The following PDE6C variants were observed in gnomAD, a reference collection of about 807,000 sequenced individuals.
PDE6C encodes phosphodiesterase 6C.
In PDE6C, 75 loss-of-function variants were observed where a neutral mutation model predicts 113.1. The ratio of observed to expected loss-of-function variants is 0.66; its 90% CI spans 0.55 to 0.80. PDE6C has a LOEUF of 0.80. Among genes scored for constraint, PDE6C ranks in the 30% least tolerant of loss-of-function variants. PDE6C has a pLI of 0.00. For synonymous variants in PDE6C, 375 were observed against 363.7 expected, an observed-to-expected ratio of 1.03 and a Z score of -0.35; for missense variants, 912 against 1,038.6, an observed-to-expected ratio of 0.88 and a Z score of 1.67.
In PDE6C at chr10:93,621,784, G is replaced by A. The variant is rs990738823; in HGVS notation, c.724-148G>A. Reference sequence around the variant, plus strand: ...CCTAGAGGATCTGAGTAGTTTGTTGGATGTACACATGTTCAAAATCAGAAT... The same window carrying A: ...CCTAGAGGATCTGAGTAGTTTGTTGAATGTACACATGTTCAAAATCAGAAT... On this transcript the variant is annotated intron_variant, in intron 3 of 21. Coordinates refer to ENST00000371447, the MANE Select transcript of PDE6C (RefSeq NM_006204.4). 4 of 721,648 alleles carry A rather than the reference G, an allele frequency of 5.5e-6. No homozygotes were observed. The African/African-American group carries it at 6.9e-5, about 13-fold the overall frequency. The allele number at this position is 721,648 out of a possible 1,614,324, so 44.7% of individuals were successfully genotyped here.
chr10:93,650,335 C>T (rs1276001025), intron 15 of PDE6C, among the ~76,000 whole-genome samples: 1 of 152,168 alleles, frequency 6.6e-6, no homozygotes, highest in African/African-American at 2.4e-5. Context: ...CAGCCTCAAC[C>T]TCCTGGGCTC....
At position 93,640,952 on chromosome 10, in the gene PDE6C, C is replaced by G. The variant is rs147097341; in HGVS notation, c.1770C>G (p.Leu590=). 1 of 1,612,100 alleles carries G rather than the reference C, an allele frequency of 6.2e-7. No homozygotes were observed. The highest frequency in any genetic ancestry group is 2.2e-5 in the East Asian group (1 of 44,838). Reference sequence around the variant, plus strand: ...GATTAAAGAAGTACTACACAGATCTCGAAGCCTTTGCCATGCTTGCTGCTG... The same window carrying G: ...GATTAAAGAAGTACTACACAGATCTGGAAGCCTTTGCCATGCTTGCTGCTG... The part of the protein sequence containing the change: ...TGRLKKYYTD[L]EAFAMLAAAF... Residue 590 remains leucine (L), a synonymous_variant, in exon 14 of 22, where the codon CTC becomes CTG. Coordinates refer to ENST00000371447, the MANE Select transcript of PDE6C (RefSeq NM_006204.4).
Position 93,635,573 on chromosome 10 carries a change from A to G in PDE6C, c.1346A>G (p.Lys449Arg), listed in dbSNP as rs752525221. 2 of 1,613,818 alleles carry G rather than the reference A, an allele frequency of 1.2e-6. No homozygotes were observed. The highest frequency in any genetic ancestry group is 1.7e-6 in the Non-Finnish European group (2 of 1,179,648). Reference sequence around the variant, plus strand: ...AAGATGAATAAGCTAGAAAACAGAAAGGACATTGCTCAGGAAATGCTCATG... The same window carrying G: ...AAGATGAATAAGCTAGAAAACAGAAGGGACATTGCTCAGGAAATGCTCATG... ...YDKMNKLENR[K>R]DIAQEMLMNQ... The change falls in exon 10 of 22, where the codon AAG (lysine) becomes AGG (arginine). Residue 449 changes from lysine (K) to arginine (R), a missense_variant. Coordinates refer to ENST00000371447, the MANE Select transcript of PDE6C (RefSeq NM_006204.4).
At chr10:93,636,060 A>G (rs1439943534) in intron 10 of PDE6C, among the ~76,000 whole-genome samples, 1 of 152,132 alleles carries the variant, frequency 6.6e-6, no homozygotes, top group African/African-American at 2.4e-5. Flanking sequence ...ACTTGGCTCC[A>G]AGCTATGAAT....
intron 8 of PDE6C, among the ~76,000 whole-genome samples, chr10:93,632,969 A>C (rs2058508968): frequency 6.6e-6 from 1 of 152,208 alleles, no homozygotes; most frequent in African/African-American, 2.4e-5. Context: ...TGAGTTAGAA[A>C]AATTAGAAAG....
intron 4 of PDE6C, among the ~76,000 whole-genome samples, chr10:93,624,424 GA>G (rs2058462601): frequency 6.6e-6 from 1 of 152,072 alleles, no homozygotes; most frequent in Non-Finnish European, 1.5e-5. Flanking sequence ...TTTTAGTAGA[GA>G]CAGGATTTCG....
At chr10:93,632,980 G>T (rs2134604709) in intron 8 of PDE6C, among the ~76,000 whole-genome samples, 1 of 152,270 alleles carries the variant, frequency 6.6e-6, no homozygotes, top group Non-Finnish European at 1.5e-5. Flanking sequence ...AATTAGAAAG[G>T]CTTCATGGGA....
intron 16 of PDE6C, 114 bp from the exon 17 acceptor site, chr10:93,658,787 A>G: frequency 2.8e-6 from 2 of 716,554 alleles, no homozygotes; most frequent in Non-Finnish European, 5.0e-6. Context: ...AGACTTTGCT[A>G]TGTGGACATC....
At chr10:93,629,361 G>A (rs1316139097) in intron 8 of PDE6C, 56 bp downstream of exon 8, 2 of 1,300,960 alleles carry the variant, frequency 1.5e-6, no homozygotes, top group Non-Finnish European at 1.1e-6. Flanking sequence ...AGGAGTGGAT[G>A]CTCTCGCCTC....
intron 8 of PDE6C, among the ~76,000 whole-genome samples, chr10:93,634,256 C>T (rs906257191): frequency 2.6e-5 from 4 of 152,128 alleles, no homozygotes; most frequent in African/African-American, 4.8e-5. Flanking sequence ...CTCCTGACCT[C>T]AGGTGATCTG....
Position 93,665,424 on chromosome 10 carries a change from T to TCTAA in PDE6C, c.*9_*12dup, listed in dbSNP as rs1368116770. 2.6e-6 allele frequency: 4 copies of TCTAA among 1,535,106 alleles called. No individual in the cohort carries two copies. The African/African-American group carries it at 4.1e-5, about 16-fold the overall frequency. On this transcript the variant is annotated 3_prime_UTR_variant, in exon 22 of 22. Transcript: ENST00000371447. ...AAACATGTTTAATGTTGTAATATTA[T>TCTAA]CTAACTGGTCTAAACTTCAAATATC...
At chr10:93,637,674 G>A (rs540415506) in intron 11 of PDE6C, among the ~76,000 whole-genome samples, 1 of 152,152 alleles carries the variant, frequency 6.6e-6, no homozygotes, top group Non-Finnish European at 1.5e-5. Flanking sequence ...CTAACTCTGT[G>A]TTAAAACTTT....
chr10:93,636,611 TA>T (rs145245192), intron 10 of PDE6C, among the ~76,000 whole-genome samples: 32 of 152,128 alleles, frequency 2.1e-4, no homozygotes, highest in South Asian at 4.1e-4. Flanking sequence ...CACACCTCTT[TA>T]AAAAAACCAG....
chr10:93,612,548 A>G lies in PDE6C; in HGVS notation c.-178A>G. 1 of 784,774 alleles carries G rather than the reference A, an allele frequency of 1.3e-6. No homozygotes were observed. Among genetic ancestry groups the G allele is most frequent in the Non-Finnish European group, 2.1e-6 (1 of 470,436 alleles). The allele number at this position is 784,774 out of a possible 1,614,324, so 48.6% of individuals were successfully genotyped here. A position where few individuals can be genotyped will look rare whatever the true frequency, so the allele number is the denominator to read the frequency against. On this transcript the variant is annotated 5_prime_UTR_variant, in exon 1 of 22. Coordinates refer to ENST00000371447, the MANE Select transcript of PDE6C (RefSeq NM_006204.4). ...AGCCAGGGCCTTCTGTCACATCCCA[A>G]GAGTTACAGGCAGTTTGAAAGCTCT...
intron 18 of PDE6C, among the ~76,000 whole-genome samples, chr10:93,661,006 CTA>C (rs1429449923): frequency 2.0e-5 from 3 of 152,108 alleles, no homozygotes; most frequent in Non-Finnish European, 4.4e-5. Context: ...GAAGTAAAGT[CTA>C]TTTTCTCCCA....
At chr10:93,618,609 C>A (rs181295486) in intron 1 of PDE6C, among the ~76,000 whole-genome samples, 2 of 152,180 alleles carry the variant, frequency 1.3e-5, no homozygotes, top group Non-Finnish European at 2.9e-5. Context: ...CCTCTGAGAG[C>A]GGTACCATTT....
chr10:93,643,402 A>T (rs2134614612), intron 14 of PDE6C, among the ~76,000 whole-genome samples: 2 of 151,964 alleles, frequency 1.3e-5, no homozygotes, highest in Middle Eastern at 6.8e-3. Context: ...TAATATATAT[A>T]TTTTTTGGAG....
chr10:93,648,326 A>C (rs1292251115), intron 15 of PDE6C, among the ~76,000 whole-genome samples: 2 of 152,188 alleles, frequency 1.3e-5, no homozygotes, highest in African/African-American at 4.8e-5. Flanking sequence ...CTAATTGCAG[A>C]CTTTTAAAGC....
chr10:93,651,992 C>G (rs544288491), intron 15 of PDE6C, among the ~76,000 whole-genome samples: 16 of 151,910 alleles, frequency 1.1e-4, no homozygotes, highest in Non-Finnish European at 2.2e-4. Flanking sequence ...AACAAAAAAC[C>G]CAACTTGTGT....
Sources: allele counts gnomAD v4.1 joint callset (sites outside exome capture counted in the v4.1 genomes callset), GRCh38; gene constraint gnomAD v4.1.1; transcripts MANE v1.5; gene names NCBI Gene and HGNC (gene_info 2026-07-23, HGNC 2026-07-21).